PRR16: variants seen among roughly 807,000 people sequenced by gnomAD.
PRR16 encodes proline rich 16.
A neutral mutation model predicts 18.2 loss-of-function variants in PRR16; 6 were observed. The observed-to-expected ratio is 0.33, with a 90% CI of 0.18 to 0.65. The LOEUF is 0.65. Ranked by LOEUF, PRR16 falls within the 30% of genes least tolerant of loss-of-function variation. The probability of loss-of-function intolerance (pLI) is 0.74; values close to 1 mark genes in which losing one functional copy is unlikely to be tolerated. For synonymous variants in PRR16, 151 were observed against 147.8 expected, an observed-to-expected ratio of 1.02 and a Z score of -0.16; for missense variants, 412 against 376.6, an observed-to-expected ratio of 1.09 and a Z score of -0.78.
At chr5:120,591,388 A>G (rs1218686910) in intron 1 of PRR16, among the ~76,000 whole-genome samples, 1 of 152,072 alleles carries the variant, frequency 6.6e-6, no homozygotes, top group Non-Finnish European at 1.5e-5. Context: ...TATATTCCAT[A>G]TATCCCTCTT....
intron 1 of PRR16, among the ~76,000 whole-genome samples, chr5:120,613,370 T>TA (rs1488914308): frequency 1.3e-5 from 1 of 79,622 alleles, no homozygotes; most frequent in Non-Finnish European, 3.2e-5. Flanking sequence ...CTTCATAATT[T>TA]ATTTTTTTTC....
At chr5:120,533,823 A>G (rs966624431) in intron 1 of PRR16, among the ~76,000 whole-genome samples, 7 of 152,218 alleles carry the variant, frequency 4.6e-5, no homozygotes, top group African/African-American at 1.7e-4. Flanking sequence ...GTTAGGTAGA[A>G]CAACACATGA....
chr5:120,547,357 G>A (rs1392178877), intron 1 of PRR16, among the ~76,000 whole-genome samples: 2 of 151,992 alleles, frequency 1.3e-5, no homozygotes, highest in Non-Finnish European at 2.9e-5. Context: ...CTTTAAAAAT[G>A]GGTGGGTGGC....
intron 1 of PRR16, among the ~76,000 whole-genome samples, chr5:120,472,934 T>C (rs1033893948): frequency 6.6e-6 from 1 of 152,210 alleles, no homozygotes; most frequent in African/African-American, 2.4e-5. Flanking sequence ...GAACTCATTG[T>C]AAATTAAGCA....
chr5:120,719,237 C>T, the PRR16 span, among the ~76,000 whole-genome samples: 1 of 151,730 alleles, frequency 6.6e-6, no homozygotes, highest in Non-Finnish European at 1.5e-5. Context: ...TTTTTTCAGA[C>T]CTAGTGAGTT....
intron 1 of PRR16, among the ~76,000 whole-genome samples, chr5:120,497,124 T>C (rs1449093429): frequency 6.6e-6 from 1 of 152,162 alleles, no homozygotes; most frequent in African/African-American, 2.4e-5. Context: ...CGGCTCAGAA[T>C]ATGGTCTATT....
chr5:120,605,690 C>A (rs1754130954), intron 1 of PRR16, among the ~76,000 whole-genome samples: 1 of 152,094 alleles, frequency 6.6e-6, no homozygotes, highest in Non-Finnish European at 1.5e-5. Flanking sequence ...GGGCTTTTGG[C>A]TTTTATATTC....
At chr5:120,592,489 TA>T (rs1214600197) in intron 1 of PRR16, among the ~76,000 whole-genome samples, 1 of 152,200 alleles carries the variant, frequency 6.6e-6, no homozygotes, top group African/African-American at 2.4e-5. Context: ...GAATTCATGG[TA>T]AATAAGAATT....
chr5:120,696,140 G>A, the PRR16 span, among the ~76,000 whole-genome samples: 205 of 152,160 alleles, frequency 1.3e-3, 1 homozygote, highest in Admixed American at 0.012. Flanking sequence ...TACTCAGGAG[G>A]CTGAGGCAGG....
chr5:120,484,301 A>G (rs1041278513), intron 1 of PRR16, among the ~76,000 whole-genome samples: 13 of 147,264 alleles, frequency 8.8e-5, no homozygotes, highest in African/African-American at 3.2e-4. Flanking sequence ...CTTATGTATA[A>G]TATATAATAT....
the PRR16 span, among the ~76,000 whole-genome samples, chr5:120,757,434 C>G: frequency 1.3e-5 from 2 of 151,956 alleles, no homozygotes; most frequent in African/African-American, 4.8e-5. Flanking sequence ...GATAGTGATT[C>G]TTCCATTCCA....
At chr5:120,763,311 C>T in the PRR16 span, among the ~76,000 whole-genome samples, 12 of 151,696 alleles carry the variant, frequency 7.9e-5, no homozygotes, top group Admixed American at 1.3e-4. Context: ...ACGTCTGGCT[C>T]TTTTTTTTGT....
intron 1 of PRR16, among the ~76,000 whole-genome samples, chr5:120,515,764 T>C (rs1750969677): frequency 6.6e-6 from 1 of 152,226 alleles, no homozygotes; most frequent in Non-Finnish European, 1.5e-5. Flanking sequence ...TATGTTGTGA[T>C]AGAAGTACAG....
At chr5:120,574,782 C>G (rs1221990363) in intron 1 of PRR16, among the ~76,000 whole-genome samples, 1 of 149,086 alleles carries the variant, frequency 6.7e-6, no homozygotes, top group African/African-American at 2.6e-5. Flanking sequence ...AACAAGAACT[C>G]TCATACACTG....
chr5:120,504,931 C>T lies in PRR16; in HGVS notation c.159+40286C>T, dbSNP rs142168505. Among the ~76,000 whole-genome samples, 882 of 147,634 alleles carry T rather than the reference C, an allele frequency of 6.0e-3. 11 individuals are homozygous for T. Among genetic ancestry groups the T allele is most frequent in the African/African-American group, 0.019 (795 of 41,238 alleles). ...CTTCAAGGATTTGATTGCAGAAACT[C>T]ATGGGAACAGGAGGAGGGGTTGATA... On this transcript the variant is annotated intron_variant, in intron 1 of 1. Transcript: ENST00000407149.
At chr5:120,782,383 A>G in the PRR16 span, among the ~76,000 whole-genome samples, 1 of 152,182 alleles carries the variant, frequency 6.6e-6, no homozygotes, top group Admixed American at 6.5e-5. Context: ...TAAGGTCTAC[A>G]GTCACCATCT....
At chr5:120,560,183 G>T (rs1237145911) in intron 1 of PRR16, among the ~76,000 whole-genome samples, 2 of 151,750 alleles carry the variant, frequency 1.3e-5, no homozygotes, top group African/African-American at 4.8e-5. Flanking sequence ...TTGAATAATG[G>T]TGGTGAATGT....
rs566899009 is a variant in PRR16 at position 120,680,564 on chromosome 5, G to A, written c.160-5390G>A. 6.6e-5 allele frequency among the ~76,000 whole-genome samples: 10 copies of A among 152,236 alleles called. No individual in the cohort carries two copies. In the South Asian group the frequency reaches 2.1e-3, roughly 32 times the overall value. On this transcript the variant is annotated intron_variant, in intron 1 of 1. Coordinates refer to ENST00000407149, the MANE Select transcript of PRR16 (RefSeq NM_001300783.2). ...TGGACTTTCCCTGGCGTTCGAGGCT[G>A]TGTTCCTAGTAGAATTGCCACAAAG...
chr5:120,573,199 T>A lies in PRR16; in HGVS notation c.159+108554T>A, dbSNP rs561104577. ...ACTTTAAGTCTGTGAATTAAAAATGTTTACTAGAATTGTTTCTGGCCATTG... is the reference window on the plus strand; with the variant it reads ...ACTTTAAGTCTGTGAATTAAAAATGATTACTAGAATTGTTTCTGGCCATTG... On this transcript the variant is annotated intron_variant, in intron 1 of 1. Transcript: ENST00000407149. Among the ~76,000 whole-genome samples the A allele has an allele frequency of 6.1e-4, 93 of 152,278 alleles. 1 individual carries two copies. The highest frequency in any genetic ancestry group is 3.1e-4 in the Non-Finnish European group (21 of 68,000).
Sources: gnomAD v4.1 joint callset for allele counts (sites outside exome capture counted in the v4.1 genomes callset) on GRCh38, gnomAD v4.1.1 for gene constraint, MANE v1.5 for transcripts, NCBI Gene and HGNC (gene_info 2026-07-23, HGNC 2026-07-21) for gene names.